DNAH14: variants seen among roughly 807,000 people sequenced by gnomAD.
The protein encoded by DNAH14 is axonemal beta dynein heavy chain 14.
In DNAH14, 478 loss-of-function variants were observed where a neutral mutation model predicts 520.9. The observed-to-expected ratio is 0.92, with a 90% CI of 0.85 to 0.99. The LOEUF (loss-of-function observed/expected upper bound fraction) is 0.99. Among genes scored for constraint, DNAH14 ranks in the 50% least tolerant of loss-of-function variants. DNAH14 has a pLI of 0.00. For missense variants in DNAH14, 4,831 were observed against 5,234.5 expected, an observed-to-expected ratio of 0.92 and a Z score of 2.38; for synonymous variants, 1,581 against 1,757.2, an observed-to-expected ratio of 0.90 and a Z score of 2.51.
At chr1:225,362,709 G>A (rs1015063164) in intron 75 of DNAH14, among the ~76,000 whole-genome samples, 4 of 151,034 alleles carry the variant, frequency 2.6e-5, no homozygotes, top group African/African-American at 9.7e-5. Context: ...TCAAAAAAAA[G>A]AAAAAGAAAT....
In DNAH14 at chr1:225,398,681, A is replaced by T. The variant is rs902011677; in HGVS notation, c.13638+15A>T. On this transcript the variant is annotated intron_variant, in intron 85 of 85. Transcript: ENST00000682510. ...TGCCAACAAAGGTAATCACCCTGCTATTATCCTGAAGTCCTAAACCTCTGA... is the reference window on the plus strand; with the variant it reads ...TGCCAACAAAGGTAATCACCCTGCTTTTATCCTGAAGTCCTAAACCTCTGA... The T allele has an allele frequency of 3.2e-6, 5 of 1,551,144 alleles. No individual in the cohort carries two copies. In the African/African-American group the frequency reaches 5.5e-5, roughly 17 times the overall value.
chr1:225,296,584 G>A (rs539496551), intron 55 of DNAH14, among the ~76,000 whole-genome samples: 2 of 150,794 alleles, frequency 1.3e-5, no homozygotes, highest in South Asian at 4.2e-4. Flanking sequence ...ACCAGTGAGT[G>A]TTATAGTTTT....
chr1:224,954,907 A>G, intron 2 of DNAH14, 52 bp from the exon 3 acceptor site: 2 of 1,435,800 alleles, frequency 1.4e-6, no homozygotes, highest in Non-Finnish European at 1.9e-6. Context: ...TCAGTATTTT[A>G]TTGGTGTGAT....
intron 36 of DNAH14, among the ~76,000 whole-genome samples, chr1:225,176,098 TC>T (rs1252705963): frequency 1.3e-5 from 2 of 152,180 alleles, no homozygotes; most frequent in Non-Finnish European, 2.9e-5. Flanking sequence ...TTATCCAACT[TC>T]CTTCCTTCCT....
chr1:225,232,746 C>G lies in DNAH14; in HGVS notation c.6518+1595C>G, dbSNP rs985172823. ...ATGGTTACTTCTTCAAAGATACCTT[C>G]CCTGACTCCCACATCTAAACTAGTT... is the stretch of plus-strand genomic sequence containing the variant. On this transcript the variant is annotated intron_variant, in intron 42 of 85. Coordinates refer to ENST00000682510, the MANE Select transcript of DNAH14 (RefSeq NM_001367479.1). The surrounding 1 kb of genome is among the most constrained non-coding windows in gnomAD (Gnocchi z 4.2). Among the ~76,000 whole-genome samples, 1 of 152,182 alleles carries G rather than the reference C, an allele frequency of 6.6e-6. No individual in the cohort carries two copies. The highest frequency in any genetic ancestry group is 6.5e-5 in the Admixed American group (1 of 15,282).
chr1:225,299,801 A>G (rs2094102983), intron 55 of DNAH14, among the ~76,000 whole-genome samples: 2 of 152,098 alleles, frequency 1.3e-5, no homozygotes, highest in Admixed American at 1.3e-4. Flanking sequence ...TCAGTGTGTA[A>G]CAAGCTTTGG....
chr1:225,398,592 C>T lies in DNAH14; in HGVS notation c.13564C>T (p.Gln4522Ter). Residue 4522 changes from glutamine to a stop codon, truncating the protein, a stop_gained, in exon 85 of 86, where the codon CAG becomes TAG. Transcript: ENST00000682510. LOFTEE classifies it high-confidence loss of function. ...FIEGARWNRE[Q>*]KILEDSLPLE... The stretch of plus-strand genomic sequence containing the variant: ...CGAGGGGGCAAGATGGAATCGTGAA[C>T]AGAAAATACTGGAAGACTCGCTGCC... 1.9e-6 allele frequency: 3 copies of T among 1,551,716 alleles called. No individual in the cohort carries two copies. The highest frequency in any genetic ancestry group is 2.6e-6 in the Non-Finnish European group (3 of 1,146,992).
At chr1:225,225,730 G>A (rs1192974290) in intron 41 of DNAH14, among the ~76,000 whole-genome samples, 1 of 152,174 alleles carries the variant, frequency 6.6e-6, no homozygotes. Context: ...TTTATGGAAA[G>A]ATGTAAATAT....
At chr1:224,944,748 C>A (rs1283131590) in intron 1 of DNAH14, among the ~76,000 whole-genome samples, 5 of 152,208 alleles carry the variant, frequency 3.3e-5, no homozygotes, top group African/African-American at 1.2e-4. Context: ...TCCTTCACTT[C>A]TGAGGCTTAG....
rs747974752 is a variant in DNAH14 at position 224,994,906 on chromosome 1, ATAACT to A, written c.831-7870_831-7866del. Among the ~76,000 whole-genome samples the A allele has an allele frequency of 2.6e-5, 4 of 152,220 alleles. No homozygotes were observed. In the East Asian group the frequency reaches 7.7e-4, roughly 29 times the overall value. ...GCCTGTAACAGACTATTTCAAACTG[ATAACT>A]TAACTTTGATTGCATACAACAATTC... On this transcript the variant is annotated intron_variant, in intron 8 of 85. Transcript: ENST00000682510.
intron 1 of DNAH14, among the ~76,000 whole-genome samples, chr1:224,931,822 A>T (rs976201780): frequency 2.6e-5 from 4 of 152,106 alleles, no homozygotes; most frequent in Non-Finnish European, 4.4e-5. Flanking sequence ...TTCATTTTGT[A>T]TATATGTACC....
At chr1:225,310,464 TTTAC>T (rs2094341278) in intron 60 of DNAH14, among the ~76,000 whole-genome samples, 1 of 152,218 alleles carries the variant, frequency 6.6e-6, no homozygotes, top group Non-Finnish European at 1.5e-5. Context: ...TATTTTTTAT[TTTAC>T]TTTAAGTTCT....
chr1:225,069,753 T>C (rs1323851640), intron 17 of DNAH14, among the ~76,000 whole-genome samples: 1 of 152,142 alleles, frequency 6.6e-6, no homozygotes, highest in Non-Finnish European at 1.5e-5. Flanking sequence ...CCTTCATTTT[T>C]AAGTTTTTGG....
chr1:225,246,836 C>G (rs2092312831), intron 43 of DNAH14, among the ~76,000 whole-genome samples: 1 of 152,156 alleles, frequency 6.6e-6, no homozygotes, highest in African/African-American at 2.4e-5. Flanking sequence ...CCTCAAGGAT[C>G]TAGAACCAGA....
intron 69 of DNAH14, among the ~76,000 whole-genome samples, chr1:225,343,238 TCTG>T (rs546991770): frequency 8.9e-4 from 136 of 152,278 alleles, no homozygotes; most frequent in Non-Finnish European, 1.6e-3. Flanking sequence ...CTCTTTAAGG[TCTG>T]CTAAGATGTG....
intron 60 of DNAH14, 86 bp downstream of exon 60, chr1:225,308,496 A>T (rs2094295126): frequency 7.5e-7 from 1 of 1,325,928 alleles, no homozygotes. Context: ...CAGACTGACT[A>T]GTCTTAAATA....
At position 225,192,798 on chromosome 1, in the gene DNAH14, A is replaced by T. The variant is rs2085611037; in HGVS notation, c.5773A>T (p.Thr1925Ser). 1.9e-6 allele frequency: 3 copies of T among 1,550,230 alleles called. No individual in the cohort carries two copies. Among genetic ancestry groups the T allele is most frequent in the African/African-American group, 1.4e-5 (1 of 73,102 alleles). ...GQLDPNTMEW[T>S]DGLLSATIRS... is the part of the protein sequence containing the mutation. The stretch of plus-strand genomic sequence containing the variant: ...ACTGGATCCTAATACTATGGAATGG[A>T]CTGATGGATTATTATCAGCAACAAT... Residue 1925 changes from threonine to serine, a missense_variant, in exon 38 of 86, where the codon ACT (threonine) becomes TCT (serine). By Grantham distance (58) the Thr-to-Ser change is moderately conservative (BLOSUM62 1). Transcript: ENST00000682510.
At chr1:225,234,325 A>T (rs893510860) in intron 42 of DNAH14, among the ~76,000 whole-genome samples, 3 of 152,152 alleles carry the variant, frequency 2.0e-5, no homozygotes, top group African/African-American at 7.2e-5. Context: ...AGTAGCTGGG[A>T]TTACAGGCAT....
At position 225,270,036 on chromosome 1, in the gene DNAH14, A is replaced by G. The variant is rs374209127; in HGVS notation, c.7540-699A>G. On this transcript the variant is annotated intron_variant, in intron 49 of 85. Transcript: ENST00000682510. The stretch of plus-strand genomic sequence containing the variant: ...ACACATGCACACGTATGTTTATTGC[A>G]GCACTATTCACAATAGCAAAGACTT... Among the ~76,000 whole-genome samples, 7 of 152,276 alleles carry G rather than the reference A, an allele frequency of 4.6e-5. No homozygotes were observed. In the South Asian group the frequency reaches 1.0e-3, roughly 23 times the overall value.
Sources: allele counts gnomAD v4.1 joint callset (sites outside exome capture counted in the v4.1 genomes callset), GRCh38; gene constraint gnomAD v4.1.1; non-coding constraint Gnocchi (gnomAD v3.1); transcripts MANE v1.5; gene names NCBI Gene and HGNC (gene_info 2026-07-23, HGNC 2026-07-21).